Variants in EIF2S3 observed in about 807,000 individuals in gnomAD.
EIF2S3 encodes eukaryotic translation initiation factor 2 subunit 3.
EIF2S3 carries 2 observed loss-of-function variants against 31.7 expected under a neutral mutation model. The ratio of observed to expected loss-of-function variants is 0.06; its 90% confidence interval spans 0.03 to 0.20. EIF2S3 has a LOEUF of 0.20. Ranked by LOEUF, EIF2S3 falls within the 10% of genes least tolerant of loss-of-function variation. The pLI is 1.00. For synonymous variants in EIF2S3, 120 were observed against 126.7 expected (o/e 0.95, Z 0.36); for missense variants, 96 against 359.3 (o/e 0.27, Z 5.92).
rs142602495 is a variant in EIF2S3, at chrX:24,071,004, T to G, written c.1013-554T>G. ...GAAAATCAGATTTCTAAACCCTTTGTTTAGAATTTAAATCAAGAGAATCGT... is the reference window on the plus strand; with the variant it reads ...GAAAATCAGATTTCTAAACCCTTTGGTTAGAATTTAAATCAAGAGAATCGT... On this transcript the variant is annotated intron_variant, in intron 9 of 11. Transcript: ENST00000253039. 6.9e-3 allele frequency among the ~76,000 whole-genome samples: 772 copies of G among 111,660 alleles called. 5 individuals carry two copies. Among genetic ancestry groups the G allele is most frequent in the Non-Finnish European group, 0.011 (564 of 53,164 alleles).
intron 4 of EIF2S3, among the ~76,000 whole-genome samples, chrX:24,058,536 C>CTTTTTTTTTTT (rs1183377998): frequency 1.2e-5 from 1 of 83,077 alleles, no homozygotes; most frequent in Non-Finnish European, 2.2e-5. Flanking sequence ...TTTTTTCTTT[C>CTTTTTTTTTTT]TTTTTTTTTT....
In EIF2S3 at chrX:24,078,235, AG is replaced by A. The variant is rs1930787702; in HGVS notation, c.*1452del. ...GAGATGGGGTTTCACCATGTTGCCC[AG>A]GCTGGTCTTGAACTCCTAACCTCAG... On this transcript the variant is annotated 3_prime_UTR_variant, in exon 12 of 12. Coordinates refer to ENST00000253039, the MANE Select transcript of EIF2S3 (RefSeq NM_001415.4). 9.0e-6 allele frequency among the ~76,000 whole-genome samples: 1 copy of A among 110,761 alleles called. No individual in the cohort carries two copies. The highest frequency in any genetic ancestry group is 3.3e-5 in the African/African-American group (1 of 30,505).
Position 24,065,983 on chromosome X carries a change from T to C in EIF2S3, c.773-15T>C. 1 of 1,162,807 alleles carries C rather than the reference T, an allele frequency of 8.6e-7. No homozygotes were observed. Among genetic ancestry groups the C allele is most frequent in the Non-Finnish European group, 1.2e-6 (1 of 857,082 alleles). ...TTAAGATTAACAGAACTGACTTTAATTTGTTTTATTTTAGTTATTAGATCT... is the reference window on the plus strand; with the variant it reads ...TTAAGATTAACAGAACTGACTTTAACTTGTTTTATTTTAGTTATTAGATCT... On this transcript the variant is annotated splice_polypyrimidine_tract_variant and intron_variant, in intron 7 of 11. Transcript: ENST00000253039.
chrX:24,075,875 T>G (rs1930746670), intron 11 of EIF2S3, among the ~76,000 whole-genome samples: 2 of 110,734 alleles, frequency 1.8e-5, no homozygotes, highest in African/African-American at 6.6e-5. Context: ...AGCTAATTTT[T>G]TTGTTTTTTG....
chrX:24,060,573 C>T (rs998205476), intron 5 of EIF2S3: 18 of 161,394 alleles, frequency 1.1e-4, no homozygotes, highest in East Asian at 3.0e-4. Flanking sequence ...ATTCATAATA[C>T]GTGCTGAAGT....
At position 24,057,610 on chromosome X, in the gene EIF2S3, ATC is replaced by A. The variant is rs761857770; in HGVS notation, c.262-21_262-20del. On this transcript the variant is annotated intron_variant, in intron 3 of 11. Transcript: ENST00000253039. ...ATTGTTGTGCAGATAACAAATCAAAATCTTTTTTTATTGAAATTTTAGATTTA... is the reference window on the plus strand; with the variant it reads ...ATTGTTGTGCAGATAACAAATCAAAATTTTTTTATTGAAATTTTAGATTTA... 29 of 1,208,370 alleles carry A rather than the reference ATC, an allele frequency of 2.4e-5. No individual in the cohort carries two copies. The African/African-American group carries it at 4.4e-4, about 18-fold the overall frequency.
At chrX:24,069,771 A>G (rs1443082831) in intron 9 of EIF2S3, among the ~76,000 whole-genome samples, 2 of 99,049 alleles carry the variant, frequency 2.0e-5, no homozygotes, top group African/African-American at 3.8e-5. Context: ...GCTCGCTGCA[A>G]CCTTTGCCTC....
At chrX:24,060,976 C>T (rs1930483201) in intron 5 of EIF2S3, among the ~76,000 whole-genome samples, 1 of 79,390 alleles carries the variant, frequency 1.3e-5, no homozygotes, top group South Asian at 7.1e-4. Flanking sequence ...AAAAAAGCGA[C>T]TGGGCATGGT....
chrX:24,060,230 A>G lies in EIF2S3; in HGVS notation c.478+48A>G, dbSNP rs1225057416. 5 of 1,070,909 alleles carry G rather than the reference A, an allele frequency of 4.7e-6. No homozygotes were observed. In the Admixed American group the frequency reaches 1.1e-4, roughly 24 times the overall value. 88.3% of individuals were successfully genotyped at this position (1,070,909 alleles called of 1,213,427 possible). Reference sequence around the variant, plus strand: ...GGACAAATCAATGTGGAACAAATCCAAGATGAAATATTTAAAGGGGAACTA... The same window carrying G: ...GGACAAATCAATGTGGAACAAATCCGAGATGAAATATTTAAAGGGGAACTA... On this transcript the variant is annotated intron_variant, in intron 5 of 11. Transcript: ENST00000253039.
At chrX:24,074,866 T>C (rs1463743940) in intron 11 of EIF2S3, among the ~76,000 whole-genome samples, 2 of 73,198 alleles carry the variant, frequency 2.7e-5, no homozygotes, top group Non-Finnish European at 5.2e-5. Flanking sequence ...CTTCTTCTTT[T>C]TTTTTTTTTT....
In EIF2S3 at chrX:24,071,703, T is replaced by C. The variant is rs781198211; in HGVS notation, c.1158T>C (p.Thr386=). 8.3e-7 allele frequency: 1 copy of C among 1,209,364 alleles called. No individual in the cohort carries two copies. ...FLLRRLLGVR[T]EGDKKAAKVQ... Reference sequence around the variant, plus strand: ...TTAGACGGCTTCTAGGTGTACGCACTGAAGGAGACAAGAAAGCAGCAAAGG... The same window carrying C: ...TTAGACGGCTTCTAGGTGTACGCACCGAAGGAGACAAGAAAGCAGCAAAGG... The change falls in exon 10 of 12, where the codon ACT becomes ACC. Residue 386 remains threonine, a synonymous_variant. Coordinates refer to ENST00000253039, the MANE Select transcript of EIF2S3 (RefSeq NM_001415.4).
chrX:24,059,297 A>G (rs1189896058), intron 4 of EIF2S3, among the ~76,000 whole-genome samples: 1 of 112,567 alleles, frequency 8.9e-6, no homozygotes, highest in East Asian at 2.8e-4. Context: ...TGAGCATGCG[A>G]TTAAAAAAAC....
chrX:24,070,025 AATG>A (rs1473010319), intron 9 of EIF2S3, among the ~76,000 whole-genome samples: 2 of 110,064 alleles, frequency 1.8e-5, no homozygotes, highest in Admixed American at 9.8e-5. Flanking sequence ...AGAATACTGT[AATG>A]ATAACCCCCA....
intron 10 of EIF2S3, among the ~76,000 whole-genome samples, chrX:24,072,191 T>C (rs1234182536): frequency 8.9e-6 from 1 of 111,857 alleles, no homozygotes; most frequent in Non-Finnish European, 1.9e-5. Context: ...AATTGAGAAC[T>C]ATATGGCAGT....
Position 24,077,605 on chromosome X carries a change from G to GA in EIF2S3, c.*824dup, listed in dbSNP as rs1930775678. 1 of 111,909 alleles carries GA rather than the reference G, an allele frequency of 8.9e-6. No homozygotes were observed. The highest frequency in any genetic ancestry group is 1.9e-5 in the Non-Finnish European group (1 of 53,240). The allele number at this position is 111,909 out of a possible 1,213,427, so 9.2% of individuals were successfully genotyped here. A position where few individuals can be genotyped will look rare whatever the true frequency, so the allele number is the denominator to read the frequency against. ...TTGCTTTATCTTTGAAATTTTGCAT[G>GA]AAAAGGAAATGAATGGATTCGAATG... On this transcript the variant is annotated 3_prime_UTR_variant, in exon 12 of 12. Transcript: ENST00000253039.
intron 8 of EIF2S3, among the ~76,000 whole-genome samples, chrX:24,066,671 G>A (rs1930580421): frequency 9.1e-6 from 1 of 110,033 alleles, no homozygotes; most frequent in South Asian, 3.9e-4. Flanking sequence ...CCCCCACCAT[G>A]CCCAGCTAAT....
intron 2 of EIF2S3, among the ~76,000 whole-genome samples, chrX:24,056,771 A>C (rs1373894996): frequency 9.0e-6 from 1 of 111,617 alleles, no homozygotes; most frequent in Non-Finnish European, 1.9e-5. Flanking sequence ...AGGTCGGAGG[A>C]TTGCTCAAGC....
chrX:24,062,966 G>A (rs1004105055), intron 6 of EIF2S3, among the ~76,000 whole-genome samples: 3 of 111,915 alleles, frequency 2.7e-5, no homozygotes, highest in Non-Finnish European at 5.6e-5. Context: ...AGTGTCGGCC[G>A]GGCATGGTGG....
intron 10 of EIF2S3, 50 bp downstream of exon 10, chrX:24,071,777 G>T: frequency 9.0e-7 from 1 of 1,115,540 alleles, no homozygotes. Context: ...ACAAATGGGA[G>T]TGTTAAACCA....
Sources: gnomAD v4.1 joint callset for allele counts (sites outside exome capture counted in the v4.1 genomes callset) on GRCh38, gnomAD v4.1.1 for gene constraint, MANE v1.5 for transcripts, NCBI Gene and HGNC (gene_info 2026-07-23, HGNC 2026-07-21) for gene names.